The following SH2D4B variants were observed in gnomAD, a reference collection of about 807,000 sequenced individuals.
The protein encoded by SH2D4B is SH2 domain containing 4B.
Under a neutral mutation model 61.5 loss-of-function variants are expected in SH2D4B, and 45 were observed. The observed-to-expected ratio is 0.73, with a 90% CI of 0.58 to 0.94. The LOEUF (loss-of-function observed/expected upper bound fraction) is 0.94. Among genes scored for constraint, SH2D4B ranks in the 40% least tolerant of loss-of-function variants. SH2D4B has a pLI of 0.00. For missense variants in SH2D4B, 572 were observed against 574.2 expected (o/e 1.00, Z 0.04); for synonymous variants, 224 against 220.4 (o/e 1.02, Z -0.14).
intron 1 of SH2D4B, among the ~76,000 whole-genome samples, chr10:80,564,906 G>C (rs1841945456): frequency 6.6e-6 from 1 of 152,238 alleles, no homozygotes; most frequent in Non-Finnish European, 1.5e-5. Flanking sequence ...TGAATGATTT[G>C]CCAATCGGGC....
chr10:80,568,128 C>T (rs1404360547), intron 1 of SH2D4B, among the ~76,000 whole-genome samples: 3 of 151,184 alleles, frequency 2.0e-5, no homozygotes, highest in Non-Finnish European at 2.9e-5. Flanking sequence ...TGCTCTGTCG[C>T]TCAGGCTGGA....
At chr10:80,544,136 C>T (rs965368864) in intron 1 of SH2D4B, among the ~76,000 whole-genome samples, 3 of 152,166 alleles carry the variant, frequency 2.0e-5, no homozygotes, top group Admixed American at 1.3e-4. Context: ...TGGGTCCACA[C>T]TGCCTTTATG....
chr10:80,622,623 C>G (rs998706792), intron 6 of SH2D4B, among the ~76,000 whole-genome samples: 2 of 152,118 alleles, frequency 1.3e-5, no homozygotes, highest in Non-Finnish European at 2.9e-5. Context: ...GCAGGTGGCC[C>G]TGGAGGGTCT....
chr10:80,539,277 C>A lies in SH2D4B; in HGVS notation c.184+762C>A, dbSNP rs1425408440. On this transcript the variant is annotated intron_variant, in intron 1 of 7. Coordinates refer to ENST00000646907, the MANE Select transcript of SH2D4B (RefSeq NM_001388272.1). The surrounding 1 kb of genome is among the most constrained non-coding windows in gnomAD (Gnocchi z 4.9). ...GCTTGGCTTGGCACAGGACTCAATC[C>A]TGCCAGGGATTGTAGTTTCTGTGGA... Among the ~76,000 whole-genome samples, 1 of 152,268 alleles carries A rather than the reference C, an allele frequency of 6.6e-6. No homozygotes were observed. Among genetic ancestry groups the A allele is most frequent in the Admixed American group, 6.5e-5 (1 of 15,286 alleles).
chr10:80,586,875 G>A lies in SH2D4B; in HGVS notation c.496-1755G>A, dbSNP rs573473155. On this transcript the variant is annotated intron_variant, in intron 3 of 7. Coordinates refer to ENST00000646907, the MANE Select transcript of SH2D4B (RefSeq NM_001388272.1). Reference sequence around the variant, plus strand: ...GCACTCCTGAAGCCAGGGAGACCACGAACCCACCGGGAGGAACGAGCAACT... The same window carrying A: ...GCACTCCTGAAGCCAGGGAGACCACAAACCCACCGGGAGGAACGAGCAACT... Among the ~76,000 whole-genome samples the A allele has an allele frequency of 3.3e-4, 50 of 152,200 alleles. 1 individual carries two copies. The South Asian group carries it at 8.7e-3, about 26-fold the overall frequency.
chr10:80,627,930 A>T (rs1842781935), intron 6 of SH2D4B, among the ~76,000 whole-genome samples: 2 of 152,180 alleles, frequency 1.3e-5, no homozygotes, highest in Non-Finnish European at 2.9e-5. Flanking sequence ...TTCATTCTAA[A>T]ATTGTCACCC....
At chr10:80,618,241 A>G (rs12414728) in intron 6 of SH2D4B, among the ~76,000 whole-genome samples, 15,469 of 152,232 alleles carry the variant, frequency 0.1, 954 homozygotes, top group African/African-American at 0.16. Context: ...ATAAATGTAT[A>G]CATCCAATGG....
chr10:80,629,122 G>T (rs536160179), intron 6 of SH2D4B, among the ~76,000 whole-genome samples: 118 of 152,236 alleles, frequency 7.8e-4, no homozygotes, highest in African/African-American at 2.8e-3. Context: ...AGTTCTATAG[G>T]CTGTACAGGA....
Position 80,538,365 on chromosome 10 carries a change from G to A in SH2D4B, c.34G>A (p.Asp12Asn), listed in dbSNP as rs1444317533. Residue 12 changes from aspartate to asparagine, a missense_variant, in exon 1 of 8, where the codon GAC becomes AAC. Physicochemically the swap from Asp to Asn is conservative, Grantham distance 23. Coordinates refer to ENST00000646907, the MANE Select transcript of SH2D4B (RefSeq NM_001388272.1). This position sits in a 1 kb window ranked among gnomAD's most constrained non-coding sequence, Gnocchi z 4.8. ...LQQILHDMYI[D>N]PELLAELSDV... ...GCAGATCCTGCACGACATGTACATC[G>A]ACCCCGAGCTCCTTGCCGAGCTCAG... 7.9e-6 allele frequency: 11 copies of A among 1,393,130 alleles called. No homozygotes were observed. The highest frequency in any genetic ancestry group is 1.7e-5 in the South Asian group (1 of 58,516). 86.3% of individuals were successfully genotyped at this position (1,393,130 alleles called of 1,614,324 possible). A position where few individuals can be genotyped will look rare whatever the true frequency, so the allele number is the denominator to read the frequency against.
At chr10:80,579,583 C>T (rs1338791309) in intron 3 of SH2D4B, among the ~76,000 whole-genome samples, 3 of 151,978 alleles carry the variant, frequency 2.0e-5, no homozygotes, top group Admixed American at 6.6e-5. Flanking sequence ...CTTGCAATCT[C>T]CCTCCCTCCT....
chr10:80,570,213 A>C lies in SH2D4B; in HGVS notation c.244A>C (p.Ile82Leu). ...LGADGEVWVW[I>L]MGEGPGDKPY... ...GGCAGATGGCGAGGTCTGGGTCTGG[A>C]TCATGGGAGAAGGCCCTGGTGACAA... is the stretch of plus-strand genomic sequence containing the variant. The change falls in exon 2 of 8, where the codon ATC (isoleucine) becomes CTC (leucine). Residue 82 changes from isoleucine to leucine, a missense_variant. Coordinates refer to ENST00000646907, the MANE Select transcript of SH2D4B (RefSeq NM_001388272.1). 1 of 1,614,144 alleles carries C rather than the reference A, an allele frequency of 6.2e-7. No homozygotes were observed. Among genetic ancestry groups the C allele is most frequent in the Non-Finnish European group, 8.5e-7 (1 of 1,180,022 alleles).
chr10:80,604,004 C>A (rs763540379), intron 5 of SH2D4B, among the ~76,000 whole-genome samples: 1 of 152,208 alleles, frequency 6.6e-6, no homozygotes, highest in Non-Finnish European at 1.5e-5. Flanking sequence ...GTTCTGGGAG[C>A]TTTGACCTTT....
chr10:80,609,345 C>A, intron 5 of SH2D4B, 79 bp from the exon 6 acceptor site: 1 of 1,271,934 alleles, frequency 7.9e-7, no homozygotes, highest in Non-Finnish European at 1.0e-6. Flanking sequence ...CTTCCTCTTT[C>A]CTTCCCCTCT....
chr10:80,600,941 G>C (rs1398804570), intron 4 of SH2D4B, among the ~76,000 whole-genome samples: 1 of 152,150 alleles, frequency 6.6e-6, no homozygotes, highest in Non-Finnish European at 1.5e-5. Flanking sequence ...AGCCCATCCC[G>C]GGGCATCCTG....
At chr10:80,550,595 A>G (rs1451713920) in intron 1 of SH2D4B, among the ~76,000 whole-genome samples, 2 of 151,998 alleles carry the variant, frequency 1.3e-5, no homozygotes, top group East Asian at 1.9e-4. Context: ...TTCCGTCTCA[A>G]AAAAAAAGAG....
At chr10:80,565,286 A>T (rs986305383) in intron 1 of SH2D4B, among the ~76,000 whole-genome samples, 6 of 152,044 alleles carry the variant, frequency 3.9e-5, no homozygotes, top group Non-Finnish European at 5.9e-5. Flanking sequence ...TTTTGTGCCC[A>T]TTAACCATCC....
intron 3 of SH2D4B, among the ~76,000 whole-genome samples, chr10:80,572,986 A>ATTTTTTTTTTTT (rs61401607): frequency 3.4e-4 from 3 of 8,880 alleles, no homozygotes; most frequent in Non-Finnish European, 6.1e-4. Flanking sequence ...ATATATATAT[A>ATTTTTTTTTTTT]TTTTTTTTTT....
At chr10:80,600,686 A>C (rs1331266719) in intron 4 of SH2D4B, among the ~76,000 whole-genome samples, 1 of 152,080 alleles carries the variant, frequency 6.6e-6, no homozygotes, top group Non-Finnish European at 1.5e-5. Context: ...TGAGGAAGAG[A>C]ATGGTAAGAT....
At chr10:80,588,500 G>A (rs1842285859) in intron 3 of SH2D4B, 130 bp from the exon 4 acceptor site, 2 of 1,172,640 alleles carry the variant, frequency 1.7e-6, no homozygotes, top group East Asian at 4.8e-5. Flanking sequence ...CATACATGTA[G>A]GGACTGAGGC....
Sources: gnomAD v4.1 joint callset for allele counts (sites outside exome capture counted in the v4.1 genomes callset) on GRCh38, gnomAD v4.1.1 for gene constraint, Gnocchi (gnomAD v3.1) non-coding constraint, MANE v1.5 for transcripts, NCBI Gene and HGNC (gene_info 2026-07-23, HGNC 2026-07-21) for gene names.